NEDD4L: variants seen among roughly 807,000 people sequenced by gnomAD.
NEDD4L encodes NEDD4 like E3 ubiquitin protein ligase, also known as E3 ubiquitin-protein ligase NEDD4-like.
Under a neutral mutation model 148.9 loss-of-function variants are expected in NEDD4L, and 54 were observed. That is an observed-to-expected ratio of 0.36 (90% CI 0.29 to 0.45). The LOEUF is 0.45. Ranked by LOEUF, NEDD4L falls within the 20% of genes least tolerant of loss-of-function variation. The pLI is 1.00. For synonymous variants in NEDD4L, 433 were observed against 440.7 expected (o/e 0.98, Z 0.22); for missense variants, 856 against 1,233.8 (o/e 0.69, Z 4.59).
intron 2 of NEDD4L, among the ~76,000 whole-genome samples, chr18:58,192,229 T>C (rs2040197702): frequency 6.6e-6 from 1 of 152,182 alleles, no homozygotes; most frequent in Non-Finnish European, 1.5e-5. Flanking sequence ...TTCCTAAATA[T>C]GTGAGCCTGG....
chr18:58,181,782 T>G (rs577098646), intron 2 of NEDD4L, among the ~76,000 whole-genome samples: 1 of 152,354 alleles, frequency 6.6e-6, no homozygotes, highest in African/African-American at 2.4e-5. Context: ...CTAAGGTTCA[T>G]CTCAAAAGTA....
intron 1 of NEDD4L, among the ~76,000 whole-genome samples, chr18:58,128,207 C>G (rs922158091): frequency 6.6e-6 from 1 of 152,234 alleles, no homozygotes; most frequent in South Asian, 2.1e-4. Flanking sequence ...CCACTGCACC[C>G]GGCTCATTTT....
intron 1 of NEDD4L, among the ~76,000 whole-genome samples, chr18:58,095,006 A>G (rs1199148830): frequency 2.6e-5 from 4 of 152,078 alleles, no homozygotes; most frequent in Non-Finnish European, 4.4e-5. Context: ...TTGCTGACAC[A>G]TTAGACGATC....
chr18:58,242,373 T>C (rs2046735967), intron 2 of NEDD4L, among the ~76,000 whole-genome samples: 2 of 152,204 alleles, frequency 1.3e-5, no homozygotes, highest in East Asian at 1.9e-4. Context: ...GAGTTAGGAA[T>C]TGTCATTCCC....
chr18:58,173,786 A>G (rs1340278509), intron 2 of NEDD4L, among the ~76,000 whole-genome samples: 1 of 152,238 alleles, frequency 6.6e-6, no homozygotes, highest in Non-Finnish European at 1.5e-5. Context: ...CTAATTGCCT[A>G]ATGGACTCTA....
At chr18:58,100,098 G>A (rs1473239480) in intron 1 of NEDD4L, among the ~76,000 whole-genome samples, 2 of 152,142 alleles carry the variant, frequency 1.3e-5, no homozygotes, top group Non-Finnish European at 2.9e-5. Flanking sequence ...ATGCTGGGAT[G>A]ATGCATCCTC....
chr18:58,109,256 A>T (rs907004646), intron 1 of NEDD4L, among the ~76,000 whole-genome samples: 1 of 152,220 alleles, frequency 6.6e-6, no homozygotes, highest in Non-Finnish European at 1.5e-5. Context: ...TCAGGTTGTC[A>T]TGCAGGTATT....
intron 5 of NEDD4L, among the ~76,000 whole-genome samples, chr18:58,264,603 C>G (rs994505011): frequency 1.3e-5 from 2 of 151,964 alleles, no homozygotes; most frequent in African/African-American, 4.8e-5. Flanking sequence ...GTGTAATGAT[C>G]AAATCATTAC....
intron 22 of NEDD4L, 77 bp downstream of exon 22, chr18:58,367,944 GT>G: frequency 1.3e-6 from 2 of 1,492,138 alleles, no homozygotes; most frequent in Non-Finnish European, 1.8e-6. Flanking sequence ...CGCATCATGG[GT>G]TTTTAAGCAA....
chr18:58,364,800 G>A (rs537129453), intron 20 of NEDD4L, among the ~76,000 whole-genome samples: 33 of 152,124 alleles, frequency 2.2e-4, no homozygotes, highest in East Asian at 2.1e-3. Flanking sequence ...GCAGTATTAC[G>A]TCCAAATGTA....
chr18:58,044,432 G>GCCGC lies in NEDD4L; in HGVS notation c.-220_-217dup, dbSNP rs1414453086. ...CCCGGTGCTCGGCGCGCTCTCGGGA[G>GCCGC]CCGCCCGCCCGCTGGTCCCGCAGCC... On this transcript the variant is annotated 5_prime_UTR_variant, in exon 1 of 31. Coordinates refer to ENST00000400345, the MANE Select transcript of NEDD4L (RefSeq NM_001144967.3). 2.4e-5 allele frequency: 9 copies of GCCGC among 381,014 alleles called. No individual in the cohort carries two copies. Among genetic ancestry groups the GCCGC allele is most frequent in the African/African-American group, 4.3e-5 (2 of 46,652 alleles). The allele number at this position is 381,014 out of a possible 1,614,324, so 23.6% of individuals were successfully genotyped here.
At chr18:58,201,716 A>G (rs4941367) in intron 2 of NEDD4L, among the ~76,000 whole-genome samples, 62,127 of 152,046 alleles carry the variant, frequency 0.41, 14,575 homozygotes, top group African/African-American at 0.64. Flanking sequence ...TTGTTCTGGG[A>G]TTATCCCTCC....
In NEDD4L at chr18:58,372,830, CAAA is replaced by C. The variant is rs11318354; in HGVS notation, c.2257-329_2257-327del. ...CAAGAGCGAAACTCCATCTCAAAAA[CAAA>C]AAAAAAAAAAAAAAGAGAGAGAGAA... On this transcript the variant is annotated intron_variant, in intron 23 of 30. Transcript: ENST00000400345. Among the ~76,000 whole-genome samples, 72 of 132,780 alleles carry C rather than the reference CAAA, an allele frequency of 5.4e-4. No individual in the cohort carries two copies. The South Asian group carries it at 5.8e-3, about 11-fold the overall frequency. The allele number at this position is 132,780 out of a possible 152,430, so 87.1% of individuals were successfully genotyped here.
chr18:58,356,097 C>T (rs1339034435), intron 18 of NEDD4L, among the ~76,000 whole-genome samples: 1 of 151,866 alleles, frequency 6.6e-6, no homozygotes, highest in African/African-American at 2.4e-5. Context: ...GGACTACAGG[C>T]GTACACCACC....
chr18:58,379,646 G>A (rs927748961), intron 24 of NEDD4L, among the ~76,000 whole-genome samples: 1 of 152,182 alleles, frequency 6.6e-6, no homozygotes, highest in Non-Finnish European at 1.5e-5. Context: ...TCGGCCAGTG[G>A]CAGTAAGCCA....
intron 1 of NEDD4L, among the ~76,000 whole-genome samples, chr18:58,111,760 T>A (rs1055363333): frequency 6.6e-6 from 1 of 152,234 alleles, no homozygotes; most frequent in Non-Finnish European, 1.5e-5. Context: ...GGATTGTTTC[T>A]GCTTTTTGCT....
At chr18:58,088,111 T>G (rs58359821) in intron 1 of NEDD4L, among the ~76,000 whole-genome samples, 24,046 of 152,190 alleles carry the variant, frequency 0.16, 2,537 homozygotes, top group African/African-American at 0.31. Context: ...CCAGGTGGAC[T>G]TCTCTGAGGG....
In NEDD4L at chr18:58,069,867, T is replaced by C. The variant is rs144466273; in HGVS notation, c.48+25159T>C. On this transcript the variant is annotated intron_variant, in intron 1 of 30. Coordinates refer to ENST00000400345, the MANE Select transcript of NEDD4L (RefSeq NM_001144967.3). ...AACACTGGGATCTCAGTAGGAACAGTGAACCTTGTGTTTTAACCTGCTGCA... is the reference window on the plus strand; with the variant it reads ...AACACTGGGATCTCAGTAGGAACAGCGAACCTTGTGTTTTAACCTGCTGCA... Among the ~76,000 whole-genome samples the C allele has an allele frequency of 3.4e-4, 52 of 152,302 alleles. No individual in the cohort carries two copies. In the East Asian group the frequency reaches 4.6e-3, roughly 14 times the overall value.
intron 18 of NEDD4L, chr18:58,351,279 G>GTT: frequency 1.5e-5 from 9 of 599,922 alleles, no homozygotes; most frequent in Non-Finnish European, 1.7e-5. Flanking sequence ...CTATTAACGT[G>GTT]TTTTTTTTTG....
Sources: gnomAD v4.1 joint callset for allele counts (sites outside exome capture counted in the v4.1 genomes callset) on GRCh38, gnomAD v4.1.1 for gene constraint, MANE v1.5 for transcripts, NCBI Gene and HGNC (gene_info 2026-07-23, HGNC 2026-07-21) for gene names.